SIK3: variants seen among roughly 807,000 people sequenced by gnomAD.
The protein encoded by SIK3 is SIK family kinase 3, also known as serine/threonine-protein kinase SIK3.
SIK3 carries 28 observed loss-of-function variants against 144.2 expected under a neutral mutation model. The ratio of observed to expected loss-of-function variants is 0.19; its 90% CI spans 0.14 to 0.27. The LOEUF (loss-of-function observed/expected upper bound fraction) is 0.27. Ranked by LOEUF, SIK3 falls within the 10% of genes least tolerant of loss-of-function variation. The pLI is 1.00. For missense variants in SIK3, 1,319 were observed against 1,776.0 expected (o/e 0.74, Z 4.62); for synonymous variants, 686 against 676.3 (o/e 1.01, Z -0.22).
chr11:117,021,030 C>T (rs1951742945), intron 1 of SIK3, among the ~76,000 whole-genome samples: 1 of 152,272 alleles, frequency 6.6e-6, no homozygotes, highest in Admixed American at 6.5e-5. Flanking sequence ...TAGACAGTGT[C>T]AGAACTGAAC....
At chr11:116,967,418 G>A (rs1471746069) in intron 1 of SIK3, among the ~76,000 whole-genome samples, 2 of 152,180 alleles carry the variant, frequency 1.3e-5, no homozygotes, top group Non-Finnish European at 2.9e-5. Flanking sequence ...CCTTACAATG[G>A]TAGTGCTGTT....
intron 3 of SIK3, among the ~76,000 whole-genome samples, chr11:116,952,651 G>T (rs1948984951): frequency 6.6e-6 from 1 of 152,032 alleles, no homozygotes; most frequent in Non-Finnish European, 1.5e-5. Context: ...TAACCAAACT[G>T]CCATCTGCAC....
At chr11:117,090,208 G>T (rs1263271207) in intron 1 of SIK3, among the ~76,000 whole-genome samples, 1 of 151,960 alleles carries the variant, frequency 6.6e-6, no homozygotes, top group Non-Finnish European at 1.5e-5. Flanking sequence ...AGTCATCCAC[G>T]GGACTGTATG....
intron 1 of SIK3, among the ~76,000 whole-genome samples, chr11:117,092,466 C>A (rs576538200): frequency 4.6e-5 from 7 of 152,124 alleles, no homozygotes; most frequent in South Asian, 2.1e-4. Flanking sequence ...AGCAGCCCCC[C>A]CCAGGGATTC....
At chr11:116,955,284 G>A (rs1420185044) in intron 2 of SIK3, among the ~76,000 whole-genome samples, 1 of 152,152 alleles carries the variant, frequency 6.6e-6, no homozygotes, top group East Asian at 1.9e-4. Context: ...TGTGATCCCA[G>A]CTACTTGGAA....
chr11:116,890,442 A>G (rs1238554460), intron 6 of SIK3, among the ~76,000 whole-genome samples: 1 of 152,196 alleles, frequency 6.6e-6, no homozygotes, highest in Non-Finnish European at 1.5e-5. Context: ...CTGAATGTAA[A>G]CAAATGCCAC....
At chr11:117,055,940 C>T (rs531620181) in intron 1 of SIK3, among the ~76,000 whole-genome samples, 1 of 152,260 alleles carries the variant, frequency 6.6e-6, no homozygotes, top group East Asian at 1.9e-4. Flanking sequence ...CAGTGCCCTC[C>T]CAGCCTCCAG....
rs934445775 is a variant in SIK3, at chr11:116,861,279, G to A, written c.2420C>T (p.Pro807Leu). The A allele has an allele frequency of 6.3e-7, 1 of 1,591,374 alleles. No individual in the cohort carries two copies. The highest frequency in any genetic ancestry group is 8.5e-7 in the Non-Finnish European group (1 of 1,171,664). Residue 807 changes from proline to leucine, a missense_variant, in exon 19 of 25, where the codon CCT becomes CTT. Pro to Leu is a moderately conservative substitution (Grantham distance 98, BLOSUM62 -3). This residue lies in a region of SIK3 where 646 missense variants were observed against 763.7 expected (regional missense o/e 0.85). Transcript: ENST00000445177. ...PPPMSSAMIQ[P>L]HGAASSSQFQ... ...GTCTGAACCTCTCCACTCACCGTGA[G>A]GCTGGATCATGGCACTGCTCATGGG...
At position 117,095,357 on chromosome 11, in the gene SIK3, G is replaced by GA. The variant is rs1251325099; in HGVS notation, c.273+2785dup. ...AAACCCAGACCATTTCCTACAAGGG[G>GA]AAAAAAAAATCACACACCTCTAAAA... On this transcript the variant is annotated intron_variant, in intron 1 of 24. Coordinates refer to ENST00000445177, the MANE Select transcript of SIK3 (RefSeq NM_001366686.3). Among the ~76,000 whole-genome samples the GA allele has an allele frequency of 1.3e-3, 198 of 151,176 alleles. 1 individual carries two copies. The highest frequency in any genetic ancestry group is 3.9e-3 in the African/African-American group (162 of 41,156).
chr11:116,908,049 A>G (rs1946140677), intron 4 of SIK3, among the ~76,000 whole-genome samples: 1 of 152,148 alleles, frequency 6.6e-6, no homozygotes, highest in Non-Finnish European at 1.5e-5. Flanking sequence ...TTTCTCAAAC[A>G]AGAAACAAAA....
intron 1 of SIK3, among the ~76,000 whole-genome samples, chr11:116,988,385 C>A (rs1259734974): frequency 6.7e-6 from 1 of 148,460 alleles, no homozygotes; most frequent in African/African-American, 2.5e-5. Context: ...GACTCTGACT[C>A]AAAAAAAAAG....
chr11:116,999,472 T>C (rs755502288), intron 1 of SIK3, among the ~76,000 whole-genome samples: 1 of 152,248 alleles, frequency 6.6e-6, no homozygotes, highest in Non-Finnish European at 1.5e-5. Flanking sequence ...AACTGCCCAC[T>C]ATTGAATTTA....
intron 4 of SIK3, among the ~76,000 whole-genome samples, chr11:116,908,333 G>C (rs572169149): frequency 6.6e-6 from 1 of 152,142 alleles, no homozygotes; most frequent in East Asian, 1.9e-4. Context: ...ATATAAATTA[G>C]CCAGGCATGG....
chr11:117,074,371 G>T (rs947300266), intron 1 of SIK3, among the ~76,000 whole-genome samples: 1 of 152,034 alleles, frequency 6.6e-6, no homozygotes, highest in African/African-American at 2.4e-5. Flanking sequence ...TGTATTTTGG[G>T]TAAAGTAGAC....
intron 1 of SIK3, among the ~76,000 whole-genome samples, chr11:116,964,951 C>G (rs1331149621): frequency 6.6e-6 from 1 of 151,988 alleles, no homozygotes; most frequent in Non-Finnish European, 1.5e-5. Flanking sequence ...AGTGGTTGAA[C>G]TTTTATTTTT....
At chr11:117,042,506 C>T (rs1343820960) in intron 1 of SIK3, among the ~76,000 whole-genome samples, 1 of 152,124 alleles carries the variant, frequency 6.6e-6, no homozygotes, top group Non-Finnish European at 1.5e-5. Flanking sequence ...CAGGAATCCT[C>T]GTATACTTAA....
intron 3 of SIK3, among the ~76,000 whole-genome samples, chr11:116,933,860 C>A (rs75028828): frequency 6.6e-6 from 1 of 152,172 alleles, no homozygotes; most frequent in East Asian, 1.9e-4. Context: ...TTTGACCTTA[C>A]CTTCTTTCAC....
At chr11:116,975,087 G>A (rs980700008) in intron 1 of SIK3, among the ~76,000 whole-genome samples, 1 of 151,710 alleles carries the variant, frequency 6.6e-6, no homozygotes, top group East Asian at 1.9e-4. Flanking sequence ...CAAATATTTA[G>A]CCCGAACGAG....
intron 1 of SIK3, among the ~76,000 whole-genome samples, chr11:116,977,378 G>A (rs1357374904): frequency 6.6e-6 from 1 of 152,034 alleles, no homozygotes; most frequent in Non-Finnish European, 1.5e-5. Flanking sequence ...ATCATGCCCA[G>A]CCAGAAATTT....
Sources: allele counts gnomAD v4.1 joint callset (sites outside exome capture counted in the v4.1 genomes callset), GRCh38; gene constraint gnomAD v4.1.1; regional missense constraint gnomAD v4.1.1; transcripts MANE v1.5; gene names NCBI Gene and HGNC (gene_info 2026-07-23, HGNC 2026-07-21).